KCNMA1: variants seen among roughly 807,000 people sequenced by gnomAD.
The protein encoded by KCNMA1 is Calcium-activated potassium channel subunit alpha-1.
In KCNMA1, 29 loss-of-function variants were observed where a neutral mutation model predicts 140.0. The observed-to-expected ratio is 0.21, with a 90% CI of 0.15 to 0.28. The LOEUF is 0.28. KCNMA1 is among the 10% of genes least tolerant of loss of function. The probability of loss-of-function intolerance (pLI) is 1.00; values close to 1 mark genes in which losing one functional copy is unlikely to be tolerated. For synonymous variants in KCNMA1, 612 were observed against 611.9 expected (o/e 1.00, Z 0.00); for missense variants, 880 against 1,602.2 (o/e 0.55, Z 7.70).
intron 25 of KCNMA1, among the ~76,000 whole-genome samples, chr10:76,896,695 T>C (rs1263064433): frequency 6.6e-6 from 1 of 152,150 alleles, no homozygotes; most frequent in Non-Finnish European, 1.5e-5. Context: ...AGAAAAGGCA[T>C]GTCTACAGAA....
chr10:77,502,433 A>C (rs563082779), intron 1 of KCNMA1, among the ~76,000 whole-genome samples: 2 of 152,178 alleles, frequency 1.3e-5, no homozygotes, highest in South Asian at 4.2e-4. Context: ...GAATGCTCTC[A>C]TGTTTCAGAG....
intron 1 of KCNMA1, among the ~76,000 whole-genome samples, chr10:77,409,916 T>A (rs2096580856): frequency 6.6e-6 from 1 of 152,212 alleles, no homozygotes; most frequent in Non-Finnish European, 1.5e-5. Context: ...TGAACAGGGA[T>A]GAGTCCTGCC....
intron 2 of KCNMA1, among the ~76,000 whole-genome samples, chr10:77,403,658 C>T (rs549999085): frequency 1.3e-5 from 2 of 152,316 alleles, no homozygotes. Context: ...GCAAATCCCA[C>T]TCCTTGAAAA....
At chr10:77,026,266 A>G (rs140946516) in intron 16 of KCNMA1, among the ~76,000 whole-genome samples, 1 of 152,346 alleles carries the variant, frequency 6.6e-6, no homozygotes, top group East Asian at 1.9e-4. Flanking sequence ...CAGTCAGATT[A>G]TTCCAGAATG....
chr10:77,110,052 G>A, intron 8 of KCNMA1, 121 bp downstream of exon 8: 1 of 880,258 alleles, frequency 1.1e-6, no homozygotes, highest in Admixed American at 1.9e-5. Flanking sequence ...TAGCCTGATT[G>A]TAACGTTAAG....
At chr10:77,502,105 A>G (rs1319602853) in intron 1 of KCNMA1, among the ~76,000 whole-genome samples, 1 of 152,152 alleles carries the variant, frequency 6.6e-6, no homozygotes, top group Non-Finnish European at 1.5e-5. Context: ...TAAAAATCTA[A>G]CAGCAAGAAT....
intron 23 of KCNMA1, among the ~76,000 whole-genome samples, chr10:76,928,068 T>C (rs1041649924): frequency 3.9e-5 from 6 of 152,074 alleles, no homozygotes. Context: ...GCAAATAGAA[T>C]CTGCATCCCT....
In KCNMA1 at chr10:77,001,403, T is replaced by C. The variant is rs1420136465; in HGVS notation, c.2266+4A>G. 6.4e-7 allele frequency: 1 copy of C among 1,551,398 alleles called. No homozygotes were observed. The highest frequency in any genetic ancestry group is 2.4e-5 in the East Asian group (1 of 40,900). ...GGAACTACGTGTGTTGAGGTTAAAC[T>C]TACAGGCACGGAAACTGGTGGAGCA... On this transcript the variant is annotated splice_donor_region_variant and intron_variant, in intron 19 of 27. Transcript: ENST00000286628.
At chr10:77,543,338 G>C (rs1438163942) in intron 1 of KCNMA1, among the ~76,000 whole-genome samples, 1 of 152,118 alleles carries the variant, frequency 6.6e-6, no homozygotes, top group Non-Finnish European at 1.5e-5. Context: ...AGAGGTTTCA[G>C]GTAAGTCACA....
At chr10:77,528,746 G>A (rs1352336244) in intron 1 of KCNMA1, among the ~76,000 whole-genome samples, 1 of 152,190 alleles carries the variant, frequency 6.6e-6, no homozygotes, top group Non-Finnish European at 1.5e-5. Context: ...AAAATGTGGT[G>A]TGGCCATGCA....
chr10:77,153,365 T>TTTTTTC (rs2098446373), intron 5 of KCNMA1, among the ~76,000 whole-genome samples: 1 of 152,138 alleles, frequency 6.6e-6, no homozygotes, highest in South Asian at 2.1e-4. Context: ...TTCATCTTCT[T>TTTTTTC]TTTTTCTTTT....
chr10:76,891,433 G>T, intron 26 of KCNMA1, 92 bp downstream of exon 26: 1 of 954,824 alleles, frequency 1.0e-6, no homozygotes, highest in Non-Finnish European at 1.6e-6. Flanking sequence ...AGAAAAGCCA[G>T]ATGCCTAGCT....
At position 77,027,898 on chromosome 10, in the gene KCNMA1, T is replaced by TGAGATG; in HGVS notation, c.1860-13_1860-8dup. ...GAGCTTCACAAAACACAGCCTGCAA[T>TGAGATG]GAGATGGAGAAGCCTCCCAATCAGT... On this transcript the variant is annotated splice_region_variant and splice_polypyrimidine_tract_variant and intron_variant, in intron 15 of 27. Transcript: ENST00000286628. 6.2e-7 allele frequency: 1 copy of TGAGATG among 1,612,464 alleles called. No individual in the cohort carries two copies. Among genetic ancestry groups the TGAGATG allele is most frequent in the Admixed American group, 1.7e-5 (1 of 60,012 alleles).
At chr10:77,060,035 T>G (rs2153664602) in intron 14 of KCNMA1, among the ~76,000 whole-genome samples, 1 of 152,232 alleles carries the variant, frequency 6.6e-6, no homozygotes, top group African/African-American at 2.4e-5. Context: ...TGCTGAAAAC[T>G]ATAAAACACT....
intron 15 of KCNMA1, among the ~76,000 whole-genome samples, chr10:77,034,569 G>A (rs1211592707): frequency 6.6e-6 from 1 of 152,160 alleles, no homozygotes; most frequent in South Asian, 2.1e-4. Context: ...ATTTAGGAGG[G>A]GAGCACTGAA....
At chr10:77,492,590 C>G (rs543672997) in intron 1 of KCNMA1, among the ~76,000 whole-genome samples, 2 of 152,332 alleles carry the variant, frequency 1.3e-5, no homozygotes, top group East Asian at 1.9e-4. Context: ...TTACCCAAGG[C>G]TTCTTTGCAA....
At chr10:77,545,017 C>T (rs945695060) in intron 1 of KCNMA1, among the ~76,000 whole-genome samples, 1 of 152,052 alleles carries the variant, frequency 6.6e-6, no homozygotes, top group Admixed American at 6.6e-5. Context: ...CAAAATGTAC[C>T]GAGAAGAGAG....
chr10:77,358,251 C>A (rs779885595), intron 2 of KCNMA1, among the ~76,000 whole-genome samples: 1 of 152,152 alleles, frequency 6.6e-6, no homozygotes, highest in East Asian at 1.9e-4. Context: ...TGGGGCTACA[C>A]TAAGAGGAAG....
At chr10:77,593,710 C>T (rs1218909979) in intron 1 of KCNMA1, among the ~76,000 whole-genome samples, 1 of 152,206 alleles carries the variant, frequency 6.6e-6, no homozygotes, top group Non-Finnish European at 1.5e-5. Context: ...AGTGACGGTG[C>T]TCAGCCCTGA....
Sources: allele counts gnomAD v4.1 joint callset (sites outside exome capture counted in the v4.1 genomes callset), GRCh38; gene constraint gnomAD v4.1.1; transcripts MANE v1.5; gene names NCBI Gene and HGNC (gene_info 2026-07-23, HGNC 2026-07-21).